Variants in DMXL1 observed in about 807,000 individuals in gnomAD.
DMXL1 encodes the protein dmX-like protein 1.
Under a neutral mutation model 319.2 loss-of-function variants are expected in DMXL1, and 99 were observed. That is an observed-to-expected ratio of 0.31 (90% CI 0.26 to 0.37). DMXL1 has a LOEUF of 0.37. DMXL1 is among the 10% of genes least tolerant of loss of function. DMXL1 has a pLI of 1.00. For synonymous variants in DMXL1, 1,385 were observed against 1,235.2 expected, an observed-to-expected ratio of 1.12 and a Z score of -2.54; for missense variants, 3,745 against 3,595.6, an observed-to-expected ratio of 1.04 and a Z score of -1.06.
At chr5:119,114,050 G>C (rs551910331) in intron 5 of DMXL1, among the ~76,000 whole-genome samples, 13 of 152,272 alleles carry the variant, frequency 8.5e-5, no homozygotes, top group African/African-American at 3.1e-4. Context: ...CCTAATTGTT[G>C]CAAGTCCCCT....
chr5:119,220,708 A>C, intron 36 of DMXL1, 115 bp downstream of exon 36: 1 of 1,334,328 alleles, frequency 7.5e-7, no homozygotes, highest in Non-Finnish European at 1.0e-6. Context: ...AGCAGAGTAG[A>C]AGCTGATGTG....
intron 23 of DMXL1, among the ~76,000 whole-genome samples, chr5:119,168,568 C>T (rs1031999708): frequency 5.3e-5 from 8 of 152,310 alleles, no homozygotes; most frequent in South Asian, 2.1e-4. Context: ...AAGTGGCCTT[C>T]GCCTTACTTC....
intron 4 of DMXL1, among the ~76,000 whole-genome samples, chr5:119,108,115 C>T (rs1244543282): frequency 6.6e-6 from 1 of 152,172 alleles, no homozygotes; most frequent in African/African-American, 2.4e-5. Flanking sequence ...GTAATCCCAG[C>T]AGTTTGGGAG....
Position 119,128,252 on chromosome 5 carries a change from TTAATG to T in DMXL1, c.1103-955_1103-951del, listed in dbSNP as rs577811830. 586 of 313,468 alleles carry T rather than the reference TTAATG, an allele frequency of 1.9e-3. 4 individuals are homozygous for T. The highest frequency in any genetic ancestry group is 0.012 in the African/African-American group (541 of 45,058). 19.4% of individuals were successfully genotyped at this position (313,468 alleles called of 1,614,324 possible). On this transcript the variant is annotated intron_variant, in intron 9 of 43. Coordinates refer to ENST00000539542, the MANE Select transcript of DMXL1 (RefSeq NM_001290321.3). ...TACAGAGTGAAGAATAATGAGTTGA[TTAATG>T]TAAAGTTTCTGAATCCAGATTTCCC...
intron 19 of DMXL1, among the ~76,000 whole-genome samples, chr5:119,159,511 A>C (rs531944698): frequency 1.3e-5 from 2 of 152,012 alleles, no homozygotes; most frequent in Non-Finnish European, 2.9e-5. Context: ...GAAGTTATCT[A>C]TTTCTTCTGG....
chr5:119,223,057 GTT>G (rs35683993), intron 37 of DMXL1, among the ~76,000 whole-genome samples: 9 of 123,418 alleles, frequency 7.3e-5, no homozygotes, highest in African/African-American at 2.7e-4. Context: ...ACTTAGTTGT[GTT>G]TTTTTTTTTT....
rs767684119 is a variant in DMXL1 at position 119,121,039 on chromosome 5, A to G, written c.1002A>G (p.Leu334=). The change falls in exon 9 of 44, where the codon CTA becomes CTG. Residue 334 remains leucine, a synonymous_variant. Coordinates refer to ENST00000539542, the MANE Select transcript of DMXL1 (RefSeq NM_001290321.3). ...CTCTTGTAGCACATACGGGATATCT[A>G]CCACATCAGCAGGATCCTCATCATG... ...SLALVAHTGY[L]PHQQDPHHVH... 1.1e-5 allele frequency: 18 copies of G among 1,613,700 alleles called. No homozygotes were observed. Among genetic ancestry groups the G allele is most frequent in the African/African-American group, 4.0e-5 (3 of 74,912 alleles).
At chr5:119,160,012 T>C (rs114282358) in intron 19 of DMXL1, among the ~76,000 whole-genome samples, 4,799 of 152,276 alleles carry the variant, frequency 0.032, 117 homozygotes, top group Non-Finnish European at 0.042. Flanking sequence ...TCCCCTGTCA[T>C]TTTTCTAGTT....
intron 40 of DMXL1, chr5:119,238,787 T>TAA (rs1056998932): frequency 6.4e-5 from 42 of 658,666 alleles, no homozygotes; most frequent in Non-Finnish European, 7.5e-5. Flanking sequence ...GCCAAAATGT[T>TAA]AAAAAGTTGC....
Position 119,133,474 on chromosome 5 carries a change from A to G in DMXL1, c.1570-20A>G. The stretch of plus-strand genomic sequence containing the variant: ...TTTATATAATTTTATATGTTCTAAC[A>G]CTTGCTTTCTTGATTCTAGGTGTCC... On this transcript the variant is annotated intron_variant, in intron 11 of 43. Coordinates refer to ENST00000539542, the MANE Select transcript of DMXL1 (RefSeq NM_001290321.3). The G allele has an allele frequency of 6.3e-7, 1 of 1,591,844 alleles. No homozygotes were observed.
intron 1 of DMXL1, among the ~76,000 whole-genome samples, chr5:119,077,492 T>G (rs1751155534): frequency 6.9e-6 from 1 of 144,184 alleles, no homozygotes; most frequent in South Asian, 2.3e-4. Flanking sequence ...TTTTTTTTTT[T>G]TTTTTTTTTT....
intron 10 of DMXL1, 172 bp from the exon 11 acceptor site, chr5:119,132,960 A>G (rs892445019): frequency 4.6e-6 from 3 of 646,746 alleles, no homozygotes; most frequent in South Asian, 1.9e-5. Context: ...ATTGCAAAGA[A>G]TACGGATAAA....
At chr5:119,207,420 G>GT (rs1278595226) in intron 34 of DMXL1, among the ~76,000 whole-genome samples, 1 of 152,156 alleles carries the variant, frequency 6.6e-6, no homozygotes, top group Non-Finnish European at 1.5e-5. Flanking sequence ...TACATAGTAA[G>GT]TACTCATGGT....
In DMXL1 at chr5:119,102,633, T is replaced by C. The variant is rs114420697; in HGVS notation, c.285+627T>C. Among the ~76,000 whole-genome samples the C allele has an allele frequency of 3.8e-3, 583 of 152,114 alleles. 3 individuals are homozygous for C. The highest frequency in any genetic ancestry group is 6.5e-3 in the Non-Finnish European group (440 of 67,952). On this transcript the variant is annotated intron_variant, in intron 3 of 43. Transcript: ENST00000539542. ...GAGTTTGAAACCAGCCTGGGCAAGA[T>C]TTTAAAAAAAGTTTAGCCAGGCATG... is the stretch of plus-strand genomic sequence containing the variant.
intron 25 of DMXL1, among the ~76,000 whole-genome samples, chr5:119,172,569 A>G (rs1419374581): frequency 1.3e-5 from 2 of 152,212 alleles, no homozygotes; most frequent in Admixed American, 1.3e-4. Flanking sequence ...ATTCTAATGC[A>G]TGCAACTAAT....
At chr5:119,119,653 G>T (rs576161731) in intron 8 of DMXL1, among the ~76,000 whole-genome samples, 51 of 151,780 alleles carry the variant, frequency 3.4e-4, no homozygotes, top group African/African-American at 1.2e-3. Flanking sequence ...GGAATTACAG[G>T]TGTGCATCAC....
intron 1 of DMXL1, among the ~76,000 whole-genome samples, chr5:119,071,953 T>G (rs1398257809): frequency 6.6e-6 from 1 of 152,184 alleles, no homozygotes; most frequent in Non-Finnish European, 1.5e-5. Context: ...CAAAAATCTT[T>G]GTTGAGTAAC....
At chr5:119,231,668 G>C (rs1786755350) in intron 38 of DMXL1, among the ~76,000 whole-genome samples, 1 of 152,168 alleles carries the variant, frequency 6.6e-6, no homozygotes, top group Non-Finnish European at 1.5e-5. Context: ...CATGAACTGG[G>C]CAACACCAGA....
At chr5:119,085,235 G>A (rs1753094975) in intron 1 of DMXL1, among the ~76,000 whole-genome samples, 1 of 151,922 alleles carries the variant, frequency 6.6e-6, no homozygotes, top group Non-Finnish European at 1.5e-5. Flanking sequence ...TGAGACTGAG[G>A]CGTGAGAATC....
Sources: allele counts gnomAD v4.1 joint callset (sites outside exome capture counted in the v4.1 genomes callset), GRCh38; gene constraint gnomAD v4.1.1; transcripts MANE v1.5; gene names NCBI Gene and HGNC (gene_info 2026-07-23, HGNC 2026-07-21).